SPTBN4: variants seen among roughly 807,000 people sequenced by gnomAD.
SPTBN4 encodes spectrin beta, non-erythrocytic 4.
A neutral mutation model predicts 277.8 loss-of-function variants in SPTBN4; 96 were observed. The ratio of observed to expected loss-of-function variants is 0.35; its 90% CI spans 0.29 to 0.41. SPTBN4 has a LOEUF of 0.41. SPTBN4 is among the 10% of genes least tolerant of loss of function. The pLI, the probability that SPTBN4 is intolerant of heterozygous loss-of-function variation, is 1.00. For missense variants in SPTBN4, 3,006 were observed against 3,595.7 expected (o/e 0.84, Z 4.19); for synonymous variants, 1,481 against 1,580.3 (o/e 0.94, Z 1.49).
At chr19:40,563,550 G>A (rs1273092548) in intron 27 of SPTBN4, among the ~76,000 whole-genome samples, 1 of 151,702 alleles carries the variant, frequency 6.6e-6, no homozygotes, top group Non-Finnish European at 1.5e-5. Flanking sequence ...CATACCCAAA[G>A]TATTATCACT....
rs370068507 is a variant in SPTBN4, at chr19:40,515,459, C to G, written c.2903+11C>G. Reference sequence around the variant, plus strand: ...CCACCTCAACAGCAGGTAGGAGGGCCTGGGGCTGGGAGTCCCTCCCATCCT... The same window carrying G: ...CCACCTCAACAGCAGGTAGGAGGGCGTGGGGCTGGGAGTCCCTCCCATCCT... On this transcript the variant is annotated intron_variant, in intron 15 of 35. Transcript: ENST00000598249. This position sits in a 1 kb window ranked among gnomAD's most constrained non-coding sequence, Gnocchi z 4.1. 5 of 1,545,574 alleles carry G rather than the reference C, an allele frequency of 3.2e-6. No individual in the cohort carries two copies. The African/African-American group carries it at 6.8e-5, about 21-fold the overall frequency.
chr19:40,571,243 C>T (rs1688503071), intron 33 of SPTBN4: 1 of 155,126 alleles, frequency 6.4e-6, no homozygotes, highest in African/African-American at 2.4e-5. Context: ...TGGGTCTACC[C>T]TTGAAGTTTC....
rs1675401 is a variant in SPTBN4 at position 40,557,521 on chromosome 19, C to A, written c.5670+118C>A. On this transcript the variant is annotated intron_variant, in intron 26 of 35. Transcript: ENST00000598249. ...ATTAGGCAGTGGCACAGACAGAAAG[C>A]GGACTACAGAACAGGAAGAAATTAG... The A allele has an allele frequency of 1.7e-5, 21 of 1,234,604 alleles. No individual in the cohort carries two copies. The East Asian group carries it at 3.6e-4, about 21-fold the overall frequency. The allele number at this position is 1,234,604 out of a possible 1,614,324, so 76.5% of individuals were successfully genotyped here. A position where few individuals can be genotyped will look rare whatever the true frequency, so the allele number is the denominator to read the frequency against.
In SPTBN4 at chr19:40,568,085, G is replaced by C. The variant is rs1727076540; in HGVS notation, c.6759G>C (p.Glu2253Asp). Reference protein sequence around the residue: ...LPRRRRPERQESVDQSEEAAR... With the variant: ...LPRRRRPERQDSVDQSEEAAR... ...GGAGGCGGCGGCCTGAGCGGCAAGA[G>C]TCAGTCGATCAATCCGAGGAGGCTG... is the stretch of plus-strand genomic sequence containing the variant. The change falls in exon 31 of 36, where the codon GAG (glutamate) becomes GAC (aspartate). Residue 2253 changes from glutamate (E) to aspartate (D), a missense_variant. By Grantham distance (45) the Glu-to-Asp change is conservative (BLOSUM62 2). This residue lies in a region of SPTBN4 where 630 missense variants were observed against 677.6 expected (regional missense o/e 0.93). Coordinates refer to ENST00000598249, the MANE Select transcript of SPTBN4 (RefSeq NM_020971.3). 7 of 1,564,972 alleles carry C rather than the reference G, an allele frequency of 4.5e-6. No homozygotes were observed. The Middle Eastern group carries it at 5.1e-4, about 114-fold the overall frequency.
intron 6 of SPTBN4, among the ~76,000 whole-genome samples, chr19:40,496,095 A>G (rs540520464): frequency 5.9e-5 from 9 of 152,222 alleles, no homozygotes; most frequent in African/African-American, 2.2e-4. Context: ...AAAACATTCA[A>G]TAGTCAATGT....
intron 4 of SPTBN4, 21 bp from the exon 5 acceptor site, chr19:40,492,942 C>T: frequency 6.2e-7 from 1 of 1,611,526 alleles, no homozygotes; most frequent in African/African-American, 1.3e-5. Flanking sequence ...GCCCTGGTAG[C>T]CATTTTTTGT....
intron 20 of SPTBN4, among the ~76,000 whole-genome samples, chr19:40,545,510 AT>A (rs2080849233): frequency 1.3e-5 from 2 of 152,170 alleles, no homozygotes; most frequent in South Asian, 4.1e-4. Flanking sequence ...GGCTCTACCA[AT>A]TTATGCCACC....
chr19:40,569,426 CAAA>C (rs58192016), intron 31 of SPTBN4, among the ~76,000 whole-genome samples: 15 of 120,728 alleles, frequency 1.2e-4, no homozygotes, highest in Admixed American at 1.9e-4. Flanking sequence ...GACTCCGTCT[CAAA>C]AAAAAAAAAA....
In SPTBN4 at chr19:40,535,917, A is replaced by G. The variant is rs141470392; in HGVS notation, c.4359+1574A>G. 3.9e-3 allele frequency among the ~76,000 whole-genome samples: 589 copies of G among 152,190 alleles called. 7 individuals carry two copies. The highest frequency in any genetic ancestry group is 0.013 in the African/African-American group (548 of 41,536). ...AGAGGTTGCAGTGAGCTGAGATTGC[A>G]TCATTGCACTCCAGCCTGGGAGACA... On this transcript the variant is annotated intron_variant, in intron 20 of 35. Transcript: ENST00000598249.
chr19:40,550,168 A>T, intron 21 of SPTBN4, 70 bp from the exon 22 acceptor site: 1 of 1,346,904 alleles, frequency 7.4e-7, no homozygotes, highest in Non-Finnish European at 1.1e-6. Flanking sequence ...GTGCAGGTTT[A>T]AAGTTTAGTT....
chr19:40,542,307 A>G (rs1464702720), intron 20 of SPTBN4, among the ~76,000 whole-genome samples: 2 of 151,714 alleles, frequency 1.3e-5, no homozygotes, highest in Admixed American at 6.6e-5. Context: ...CTCATCCCGT[A>G]CCACACCCGC....
intron 20 of SPTBN4, among the ~76,000 whole-genome samples, chr19:40,546,672 C>A (rs1287124762): frequency 3.3e-5 from 5 of 152,114 alleles, no homozygotes; most frequent in Admixed American, 6.6e-5. Flanking sequence ...AAGACCCCAT[C>A]TTTATGACAA....
intron 20 of SPTBN4, among the ~76,000 whole-genome samples, chr19:40,541,219 G>T (rs914055690): frequency 1.3e-5 from 2 of 152,176 alleles, no homozygotes; most frequent in Non-Finnish European, 2.9e-5. Context: ...CCCTGTAGGG[G>T]GTTCAGTCTC....
Position 40,572,504 on chromosome 19 carries a change from A to G in SPTBN4, c.7536+124A>G, listed in dbSNP as rs2081164580. ...ACAGGCCAGAGTTATCAGGGCTGTAATGGGAAAGCCCACAGGCACTGAGAG... is the reference window on the plus strand; with the variant it reads ...ACAGGCCAGAGTTATCAGGGCTGTAGTGGGAAAGCCCACAGGCACTGAGAG... On this transcript the variant is annotated intron_variant, in intron 35 of 35. Coordinates refer to ENST00000598249, the MANE Select transcript of SPTBN4 (RefSeq NM_020971.3). 3 of 1,269,658 alleles carry G rather than the reference A, an allele frequency of 2.4e-6. No individual in the cohort carries two copies. In the Admixed American group the frequency reaches 5.4e-5, roughly 23 times the overall value. The allele number at this position is 1,269,658 out of a possible 1,614,324, so 78.6% of individuals were successfully genotyped here. A position where few individuals can be genotyped will look rare whatever the true frequency, so the allele number is the denominator to read the frequency against.
chr19:40,566,318 G>A lies in SPTBN4; in HGVS notation c.6295G>A (p.Ala2099Thr), dbSNP rs1260920357. ...RHEAFRKAAA[A>T]WEERFSSLRR... is the part of the protein sequence containing the mutation. ...TGAGGCCTTCCGCAAAGCGGCTGCA[G>A]CCTGGGAAGAGAGGTTCAGCTCTCT... is the stretch of plus-strand genomic sequence containing the variant. The change falls in exon 30 of 36, where the codon GCC becomes ACC. Residue 2099 changes from alanine (A) to threonine (T), a missense_variant. Physicochemically the swap from Ala to Thr is moderately conservative, Grantham distance 58. Transcript: ENST00000598249. The A allele has an allele frequency of 6.3e-7, 1 of 1,592,582 alleles. No homozygotes were observed. Among genetic ancestry groups the A allele is most frequent in the East Asian group, 2.3e-5 (1 of 43,984 alleles).
At chr19:40,529,193 T>G in intron 18 of SPTBN4, 62 bp downstream of exon 18, 6 of 1,421,606 alleles carry the variant, frequency 4.2e-6, no homozygotes, top group Non-Finnish European at 5.0e-6. Flanking sequence ...GAAGTGCTTC[T>G]CGGCCGAGGT....
chr19:40,525,666 C>A (rs894168179), intron 17 of SPTBN4, among the ~76,000 whole-genome samples: 2 of 152,168 alleles, frequency 1.3e-5, no homozygotes, highest in African/African-American at 4.8e-5. Flanking sequence ...GTACTGAGCC[C>A]GTGCTCTGTA....
intron 12 of SPTBN4, among the ~76,000 whole-genome samples, chr19:40,505,731 G>GAAGGAAGGAAGA (rs1357432215): frequency 2.0e-5 from 3 of 150,952 alleles, no homozygotes; most frequent in Non-Finnish European, 4.4e-5. Flanking sequence ...AGGAAGGAAG[G>GAAGGAAGGAAGA]AAGGAAGGAA....
At position 40,512,610 on chromosome 19, in the gene SPTBN4, C is replaced by G; in HGVS notation, c.1821C>G (p.Tyr607Ter). 1 of 1,532,976 alleles carries G rather than the reference C, an allele frequency of 6.5e-7. No homozygotes were observed. Among genetic ancestry groups the G allele is most frequent in the Non-Finnish European group, 8.7e-7 (1 of 1,147,684 alleles). The allele number at this position is 1,532,976 out of a possible 1,614,324, so 95.0% of individuals were successfully genotyped here. Residue 607 changes from tyrosine to a stop codon, truncating the protein, a stop_gained, in exon 14 of 36, where the codon TAC becomes TAG. Coordinates refer to ENST00000598249, the MANE Select transcript of SPTBN4 (RefSeq NM_020971.3). LOFTEE classifies it high-confidence loss of function. ...GCTCCCCTTCTCCTGGCTCAGGCTA[C>G]CAGCCCTGCGACCCGCAGGTCATCT... ...AALRFSQLQG[Y>*]QPCDPQVICN...
Sources: allele counts gnomAD v4.1 joint callset (sites outside exome capture counted in the v4.1 genomes callset), GRCh38; gene constraint gnomAD v4.1.1; regional missense constraint gnomAD v4.1.1; non-coding constraint Gnocchi (gnomAD v3.1); transcripts MANE v1.5; gene names NCBI Gene and HGNC (gene_info 2026-07-23, HGNC 2026-07-21).